Variants in MX1 observed in about 807,000 individuals in gnomAD.
MX1 encodes MX dynamin like GTPase 1, also known as interferon-induced GTP-binding protein Mx1.
In MX1, 66 loss-of-function variants were observed where a neutral mutation model predicts 66.4. That is an observed-to-expected ratio of 0.99 (90% CI 0.82 to 1.22). MX1 has a LOEUF of 1.22. Among genes scored for constraint, MX1 ranks in the 50% most tolerant of loss-of-function variants. MX1 has a pLI of 0.00. For synonymous variants in MX1, 311 were observed against 318.1 expected, an observed-to-expected ratio of 0.98 and a Z score of 0.24; for missense variants, 787 against 834.3, an observed-to-expected ratio of 0.94 and a Z score of 0.70.
At chr21:41,446,179 C>T (rs467773) in intron 13 of MX1, 38 bp downstream of exon 13, 888,080 of 1,562,820 alleles carry the variant, frequency 0.57, 256,889 homozygotes, top group Non-Finnish European at 0.61. Context: ...CTGCTACAAC[C>T]GAATACCTGA....
rs1056797010 is a variant in MX1 at position 41,441,245 on chromosome 21, C to T, written c.730+220C>T. On this transcript the variant is annotated intron_variant, in intron 9 of 16. Transcript: ENST00000398598. The surrounding 1 kb of genome is among the most constrained non-coding windows in gnomAD (Gnocchi z 4.0). ...AGTGGGGACCTGCCTCCACTAAGAC[C>T]TGCTAAGGGAGCAGGTTTGGTGCCC... 1.6e-6 allele frequency: 1 copy of T among 613,048 alleles called. No individual in the cohort carries two copies. Among genetic ancestry groups the T allele is most frequent in the Non-Finnish European group, 2.7e-6 (1 of 369,116 alleles). 38.0% of individuals were successfully genotyped at this position (613,048 alleles called of 1,614,324 possible).
At chr21:41,432,315 C>A in intron 5 of MX1, 140 bp downstream of exon 5, 1 of 734,152 alleles carries the variant, frequency 1.4e-6, no homozygotes, top group East Asian at 2.6e-5. Context: ...GATCCTGACC[C>A]TCTACTTGCC....
At position 41,437,003 on chromosome 21, in the gene MX1, G is replaced by A. The variant is rs752339991; in HGVS notation, c.299-12G>A. The A allele has an allele frequency of 5.0e-6, 8 of 1,613,542 alleles. No individual in the cohort carries two copies. Among genetic ancestry groups the A allele is most frequent in the Non-Finnish European group, 6.8e-6 (8 of 1,179,742 alleles). On this transcript the variant is annotated splice_polypyrimidine_tract_variant and intron_variant, in intron 6 of 16. Coordinates refer to ENST00000398598, the MANE Select transcript of MX1 (RefSeq NM_002462.5). ...AGCAAAGTGGAGCACTGATGTGGGC[G>A]TGGCCTCCTAGGGATCGTGACCAGA...
chr21:41,430,632 T>C (rs375135309), intron 4 of MX1, 24 bp downstream of exon 4: 3 of 152,240 alleles, frequency 2.0e-5, no homozygotes, highest in African/African-American at 7.2e-5. Context: ...TGCTATTTTC[T>C]GTAACATTTA....
intron 14 of MX1, chr21:41,450,940 A>T (rs894137437): frequency 7.6e-6 from 2 of 263,244 alleles, no homozygotes; most frequent in African/African-American, 4.4e-5. Flanking sequence ...TAGGATAAAA[A>T]GTTTAAATAT....
chr21:41,440,701 T>A (rs368815044), intron 8 of MX1, among the ~76,000 whole-genome samples, 186 bp from the exon 9 acceptor site: 17 of 152,322 alleles, frequency 1.1e-4, no homozygotes, highest in Admixed American at 5.2e-4. Context: ...GATAATTTAT[T>A]TTCTCATAAT....
At chr21:41,457,468 T>C (rs1022734629) in intron 16 of MX1, among the ~76,000 whole-genome samples, 5 of 152,158 alleles carry the variant, frequency 3.3e-5, no homozygotes, top group African/African-American at 1.2e-4. Context: ...CTTTGGCCCA[T>C]TTGGAGTTCT....
chr21:41,436,127 C>G (rs468451), intron 6 of MX1, 98 bp downstream of exon 6: 638,364 of 1,406,508 alleles, frequency 0.45, 154,669 homozygotes, highest in Non-Finnish European at 0.51. Context: ...TCTCACAGTT[C>G]TGGAGACTGG....
In MX1 at chr21:41,442,000, G is replaced by A; in HGVS notation, c.929+86G>A. ...GGACAGTGGCAGCCGTCCCACAGAT[G>A]TGTGGAGTGTGTGTGTGTGTGTGTG... On this transcript the variant is annotated intron_variant, in intron 10 of 16. Transcript: ENST00000398598. The surrounding 1 kb of genome is among the most constrained non-coding windows in gnomAD (Gnocchi z 4.0). 1.7e-6 allele frequency: 2 copies of A among 1,180,858 alleles called. No individual in the cohort carries two copies. Among genetic ancestry groups the A allele is most frequent in the Admixed American group, 1.8e-5 (1 of 56,302 alleles). The allele number at this position is 1,180,858 out of a possible 1,614,324, so 73.1% of individuals were successfully genotyped here.
In MX1 at chr21:41,446,198, C is replaced by A; in HGVS notation, c.1273+57C>A. On this transcript the variant is annotated intron_variant, in intron 13 of 16. Transcript: ENST00000398598. ...TACAACCGAATACCTGAGACTGGGT[C>A]ATTTATAAACAGTAGAAACTTATTG... 2.1e-6 allele frequency: 3 copies of A among 1,441,266 alleles called. No homozygotes were observed. In the South Asian group the frequency reaches 3.6e-5, roughly 17 times the overall value. 89.3% of individuals were successfully genotyped at this position (1,441,266 alleles called of 1,614,324 possible).
intron 5 of MX1, among the ~76,000 whole-genome samples, chr21:41,435,295 T>C (rs1232814442): frequency 1.3e-5 from 2 of 152,244 alleles, no homozygotes; most frequent in Admixed American, 1.3e-4. Context: ...TTTGGGTTTA[T>C]GGTTTTCATT....
chr21:41,435,144 G>A (rs2090324381), intron 5 of MX1, among the ~76,000 whole-genome samples: 1 of 152,130 alleles, frequency 6.6e-6, no homozygotes, highest in East Asian at 1.9e-4. Flanking sequence ...TTTCTCATTT[G>A]TGTCCCTCTG....
chr21:41,449,799 G>A (rs2090774096), intron 14 of MX1: 5 of 152,368 alleles, frequency 3.3e-5, no homozygotes, highest in Admixed American at 3.3e-4. Context: ...TCATCAACCA[G>A]GGAGCTCTTG....
At chr21:41,445,073 A>C (rs1288152826) in intron 11 of MX1, among the ~76,000 whole-genome samples, 7 of 152,184 alleles carry the variant, frequency 4.6e-5, no homozygotes, top group African/African-American at 7.2e-5. Flanking sequence ...AATTGCTCCA[A>C]ATGCCACTTT....
Position 41,441,080 on chromosome 21 carries a change from C to CTCGATGAGAATGGGGGAGCCCGCCTGTGT in MX1, c.730+58_730+59insATGAGAATGGGGGAGCCCGCCTGTGTTCG. ...GTGAGAATGGGGGAGCCCGCCTGTG[C>CTCGATGAGAATGGGGGAGCCCGCCTGTGT]TCGGTGAGAATGGGGGAGCCCACCT... On this transcript the variant is annotated intron_variant, in intron 9 of 16. Coordinates refer to ENST00000398598, the MANE Select transcript of MX1 (RefSeq NM_002462.5). This position sits in a 1 kb window ranked among gnomAD's most constrained non-coding sequence, Gnocchi z 4.0. 2.8e-6 allele frequency: 4 copies of CTCGATGAGAATGGGGGAGCCCGCCTGTGT among 1,452,314 alleles called. No homozygotes were observed. The Admixed American group carries it at 7.4e-5, about 27-fold the overall frequency. The allele number at this position is 1,452,314 out of a possible 1,614,324, so 90.0% of individuals were successfully genotyped here. A position where few individuals can be genotyped will look rare whatever the true frequency, so the allele number is the denominator to read the frequency against.
At chr21:41,433,046 T>C (rs1391393371) in intron 5 of MX1, among the ~76,000 whole-genome samples, 6 of 152,220 alleles carry the variant, frequency 3.9e-5, no homozygotes, top group African/African-American at 1.2e-4. Context: ...CACCCACTCA[T>C]ACTTGCGTGC....
At chr21:41,445,329 G>A in intron 11 of MX1, 119 bp from the exon 12 acceptor site, 4 of 1,244,936 alleles carry the variant, frequency 3.2e-6, no homozygotes, top group East Asian at 4.7e-5. Context: ...CTTCCTTTTA[G>A]AGGAAGCCAG....
chr21:41,434,318 A>G (rs2090302291), intron 5 of MX1, among the ~76,000 whole-genome samples: 2 of 152,212 alleles, frequency 1.3e-5, no homozygotes, highest in Admixed American at 6.5e-5. Flanking sequence ...TTATGCAAGT[A>G]CTTCACTATT....
chr21:41,431,960 A>T (rs778126643), intron 4 of MX1, 90 bp from the exon 5 acceptor site: 3 of 1,001,184 alleles, frequency 3.0e-6, no homozygotes, highest in Non-Finnish European at 4.5e-6. Flanking sequence ...CCCCACCTCC[A>T]GGGGCCTTCC....
Sources: gnomAD v4.1 joint callset for allele counts (sites outside exome capture counted in the v4.1 genomes callset) on GRCh38, gnomAD v4.1.1 for gene constraint, Gnocchi (gnomAD v3.1) non-coding constraint, MANE v1.5 for transcripts, NCBI Gene and HGNC (gene_info 2026-07-23, HGNC 2026-07-21) for gene names.